CCDC13: variants seen among roughly 807,000 people sequenced by gnomAD.
The protein encoded by CCDC13 is coiled-coil domain-containing protein 13.
CCDC13 carries 70 observed loss-of-function variants against 87.3 expected under a neutral mutation model. The observed-to-expected ratio is 0.80, with a 90% CI of 0.66 to 0.98. CCDC13 has a LOEUF of 0.98. CCDC13 is among the 50% of genes least tolerant of loss of function. The pLI is 0.00. For missense variants in CCDC13, 842 were observed against 892.0 expected (o/e 0.94, Z 0.71); for synonymous variants, 317 against 360.3 (o/e 0.88, Z 1.36).
At chr3:42,725,871 A>G (rs1176689209) in intron 13 of CCDC13, among the ~76,000 whole-genome samples, 1 of 152,164 alleles carries the variant, frequency 6.6e-6, no homozygotes, top group Non-Finnish European at 1.5e-5. Context: ...GAAACCACAC[A>G]AGGAAATAAT....
At chr3:42,731,762 G>A (rs995982233) in intron 12 of CCDC13, among the ~76,000 whole-genome samples, 1 of 152,178 alleles carries the variant, frequency 6.6e-6, no homozygotes, top group Non-Finnish European at 1.5e-5. Flanking sequence ...AGCCCGAATA[G>A]ACATACTCTC....
chr3:42,760,210 G>C (rs1035449348), intron 1 of CCDC13, among the ~76,000 whole-genome samples: 3 of 151,972 alleles, frequency 2.0e-5, no homozygotes, highest in Non-Finnish European at 2.9e-5. Context: ...AGAATTGCTT[G>C]AACCCAGGAG....
chr3:42,758,499 C>T (rs1699760307), intron 1 of CCDC13, 148 bp from the exon 2 acceptor site: 1 of 725,716 alleles, frequency 1.4e-6, no homozygotes, highest in Non-Finnish European at 2.2e-6. Context: ...TCCACCCTCA[C>T]CTCAGATCAC....
chr3:42,756,029 A>C (rs960357088), intron 3 of CCDC13, among the ~76,000 whole-genome samples: 3 of 152,238 alleles, frequency 2.0e-5, no homozygotes, highest in Admixed American at 2.0e-4. Context: ...AGGGAGGTGC[A>C]TTAGGCTACC....
chr3:42,705,483 C>T (rs931616467), downstream of CCDC13, among the ~76,000 whole-genome samples: 1 of 152,192 alleles, frequency 6.6e-6, no homozygotes. Context: ...AGTGCTGGAA[C>T]CTGAGCACCA....
intron 1 of CCDC13, among the ~76,000 whole-genome samples, chr3:42,772,281 A>AGT (rs1267562493): frequency 2.5e-4 from 8 of 31,836 alleles, no homozygotes; most frequent in Admixed American, 2.4e-3. Context: ...AAAAAAAAAA[A>AGT]AAAAAAAAAG....
intron 10 of CCDC13, 150 bp from the exon 11 acceptor site, chr3:42,733,759 G>T: frequency 1.1e-6 from 1 of 872,434 alleles, no homozygotes; most frequent in Non-Finnish European, 1.7e-6. Flanking sequence ...TTTGGTGAAG[G>T]CACTACTTGC....
intron 10 of CCDC13, among the ~76,000 whole-genome samples, chr3:42,735,317 G>A (rs1240065044): frequency 6.6e-6 from 1 of 152,174 alleles, no homozygotes; most frequent in Admixed American, 6.5e-5. Context: ...AGGGGTGGCA[G>A]CAAGAGTTAG....
In CCDC13 at chr3:42,745,967, T is replaced by C. The variant is rs1413168901; in HGVS notation, c.781A>G (p.Thr261Ala). Reference protein sequence around the residue: ...NVQQLLSSPGTWRGRAQQILV... With the variant: ...NVQQLLSSPGAWRGRAQQILV... ...ATTTGTTGAGCCCGACCCCTCCAGGTCCCTGGCGAAGATAGGAGCTGCTGA... is the reference window on the plus strand; with the variant it reads ...ATTTGTTGAGCCCGACCCCTCCAGGCCCCTGGCGAAGATAGGAGCTGCTGA... Residue 261 changes from threonine to alanine, a missense_variant, in exon 7 of 16, where the codon ACC becomes GCC. By Grantham distance (58) the Thr-to-Ala change is moderately conservative. Coordinates refer to ENST00000310232, the MANE Select transcript of CCDC13 (RefSeq NM_144719.4). 1 of 1,614,136 alleles carries C rather than the reference T, an allele frequency of 6.2e-7. No homozygotes were observed. The highest frequency in any genetic ancestry group is 1.1e-5 in the South Asian group (1 of 91,080).
At chr3:42,715,396 T>G (rs532381726) in intron 13 of CCDC13, among the ~76,000 whole-genome samples, 8 of 151,580 alleles carry the variant, frequency 5.3e-5, no homozygotes, top group African/African-American at 1.9e-4. Context: ...ATCACTTGAG[T>G]CCAGGAGTTC....
At chr3:42,770,269 A>G (rs1020521489) in intron 1 of CCDC13, among the ~76,000 whole-genome samples, 1 of 152,192 alleles carries the variant, frequency 6.6e-6, no homozygotes, top group Non-Finnish European at 1.5e-5. Context: ...GAATGCACCA[A>G]TCGGCACTCT....
intron 9 of CCDC13, among the ~76,000 whole-genome samples, chr3:42,739,348 C>T (rs750519311): frequency 7.5e-4 from 114 of 152,224 alleles, no homozygotes; most frequent in Admixed American, 3.3e-4. Flanking sequence ...TATAATCCCA[C>T]CTCCTTCCCC....
intron 13 of CCDC13, among the ~76,000 whole-genome samples, chr3:42,728,086 T>G (rs984131299): frequency 6.6e-6 from 1 of 152,234 alleles, no homozygotes; most frequent in African/African-American, 2.4e-5. Flanking sequence ...ACTCCTATTG[T>G]AAGTAACTAG....
At chr3:42,734,371 T>G (rs1423826532) in intron 10 of CCDC13, among the ~76,000 whole-genome samples, 1 of 152,202 alleles carries the variant, frequency 6.6e-6, no homozygotes, top group Non-Finnish European at 1.5e-5. Flanking sequence ...AGGACAGTGG[T>G]GAGGTGAAGA....
chr3:42,731,242 C>T (rs946237763), intron 12 of CCDC13, among the ~76,000 whole-genome samples: 7 of 151,914 alleles, frequency 4.6e-5, no homozygotes, highest in Non-Finnish European at 1.0e-4. Flanking sequence ...CCTGAGCTTA[C>T]TTTTCTAGCA....
At chr3:42,742,452 C>G (rs1308860902) in intron 8 of CCDC13, among the ~76,000 whole-genome samples, 2 of 152,190 alleles carry the variant, frequency 1.3e-5, no homozygotes, top group Non-Finnish European at 2.9e-5. Context: ...CCCTTTGTTG[C>G]TTAAACCTGG....
chr3:42,764,298 G>A (rs1392999371), intron 1 of CCDC13, among the ~76,000 whole-genome samples: 2 of 152,166 alleles, frequency 1.3e-5, no homozygotes, highest in Non-Finnish European at 2.9e-5. Context: ...GGCCTGAACT[G>A]GTCTTTCAGG....
At chr3:42,764,624 G>A (rs1024176416) in intron 1 of CCDC13, among the ~76,000 whole-genome samples, 3 of 152,172 alleles carry the variant, frequency 2.0e-5, no homozygotes, top group Admixed American at 2.0e-4. Context: ...ATCAGCCACA[G>A]CAGATGTTTT....
intron 1 of CCDC13, 138 bp downstream of exon 1, chr3:42,773,038 G>A (rs1700173080): frequency 6.6e-6 from 1 of 152,226 alleles, no homozygotes; most frequent in African/African-American, 2.4e-5. Flanking sequence ...TCCTCGCTGG[G>A]CGCCCAGCAC....
Sources: gnomAD v4.1 joint callset for allele counts (sites outside exome capture counted in the v4.1 genomes callset) on GRCh38, gnomAD v4.1.1 for gene constraint, MANE v1.5 for transcripts, NCBI Gene and HGNC (gene_info 2026-07-23, HGNC 2026-07-21) for gene names.